Variants in SLC25A48 observed in about 807,000 individuals in gnomAD.
The protein encoded by SLC25A48 is CTC-321K16.1.
Under a neutral mutation model 32.2 loss-of-function variants are expected in SLC25A48, and 29 were observed. The observed-to-expected ratio is 0.90, with a 90% CI of 0.67 to 1.23. The LOEUF (loss-of-function observed/expected upper bound fraction) is 1.23, where lower values mean the gene tolerates loss of function less well. Ranked by LOEUF, SLC25A48 falls within the 50% of genes most tolerant of loss-of-function variation. The pLI, the probability that SLC25A48 is intolerant of heterozygous loss-of-function variation, is 0.00. For synonymous variants in SLC25A48, 164 were observed against 172.3 expected (o/e 0.95, Z 0.38); for missense variants, 399 against 422.7 (o/e 0.94, Z 0.49).
At chr5:135,788,694 G>A (rs1317990476) in intron 3 of SLC25A48, among the ~76,000 whole-genome samples, 1 of 150,816 alleles carries the variant, frequency 6.6e-6, no homozygotes, top group Non-Finnish European at 1.5e-5. Context: ...ATATCCAGGG[G>A]GGGAAGAGGG....
At chr5:135,874,344 G>A (rs1214414110) in intron 6 of SLC25A48, among the ~76,000 whole-genome samples, 190 bp downstream of exon 6, 4 of 152,244 alleles carry the variant, frequency 2.6e-5, no homozygotes, top group Non-Finnish European at 5.9e-5. Flanking sequence ...GGCCAGTGGA[G>A]GAGATAGGTA....
intron 3 of SLC25A48, among the ~76,000 whole-genome samples, chr5:135,761,201 T>C (rs1278629949): frequency 6.6e-6 from 1 of 152,052 alleles, no homozygotes; most frequent in Non-Finnish European, 1.5e-5. Flanking sequence ...TAGTCCCAGA[T>C]ATTCAGGAGG....
chr5:135,745,345 G>A (rs867535255), intron 3 of SLC25A48, among the ~76,000 whole-genome samples: 56 of 152,290 alleles, frequency 3.7e-4, no homozygotes, highest in Middle Eastern at 3.4e-3. Context: ...CACCTTGAGC[G>A]GTTTTCCACC....
At chr5:135,590,628 G>A (rs1158428995) in intron 1 of SLC25A48, among the ~76,000 whole-genome samples, 1 of 152,180 alleles carries the variant, frequency 6.6e-6, no homozygotes, top group Non-Finnish European at 1.5e-5. Context: ...ACAGAGACCT[G>A]CTGGGGGACC....
chr5:135,596,950 G>A (rs1309328679), intron 1 of SLC25A48, among the ~76,000 whole-genome samples: 1 of 152,140 alleles, frequency 6.6e-6, no homozygotes, highest in African/African-American at 2.4e-5. Flanking sequence ...GTGACCTTGG[G>A]TGAGAGATGC....
chr5:135,625,319 G>T (rs1580732783), intron 1 of SLC25A48, among the ~76,000 whole-genome samples: 1 of 152,146 alleles, frequency 6.6e-6, no homozygotes, highest in East Asian at 1.9e-4. Flanking sequence ...GAAGATGGAG[G>T]GGCCCTGAGA....
At chr5:135,835,923 TTGAG>T (rs1758468351) in intron 1 of SLC25A48, among the ~76,000 whole-genome samples, 2 of 150,804 alleles carry the variant, frequency 1.3e-5, no homozygotes, top group East Asian at 3.9e-4. Context: ...TCCTTTCACC[TTGAG>T]TAAGTCTGTT....
At chr5:135,768,080 A>G (rs1756294109) in intron 3 of SLC25A48, among the ~76,000 whole-genome samples, 1 of 147,028 alleles carries the variant, frequency 6.8e-6, no homozygotes, top group South Asian at 2.2e-4. Context: ...GCGGGTGTAC[A>G]CCCCCCTGTG....
At chr5:135,833,027 G>A (rs2126672251), upstream of SLC25A48, among the ~76,000 whole-genome samples, 1 of 152,368 alleles carries the variant, frequency 6.6e-6, no homozygotes, top group Admixed American at 6.5e-5. Context: ...CCTGGATCCT[G>A]GCCACAGAGC....
intron 3 of SLC25A48, among the ~76,000 whole-genome samples, chr5:135,772,297 G>A (rs1207778793): frequency 1.3e-5 from 2 of 151,190 alleles, no homozygotes; most frequent in Non-Finnish European, 3.0e-5. Context: ...GTCACAGGTA[G>A]TGTACACCCC....
chr5:135,855,417 T>C (rs1760231147), intron 4 of SLC25A48, among the ~76,000 whole-genome samples: 1 of 152,214 alleles, frequency 6.6e-6, no homozygotes, highest in Non-Finnish European at 1.5e-5. Context: ...GACCTTTGCA[T>C]ATGTTCTCAT....
chr5:135,598,387 GT>G (rs1181605591), intron 1 of SLC25A48, among the ~76,000 whole-genome samples: 2 of 152,168 alleles, frequency 1.3e-5, no homozygotes, highest in Non-Finnish European at 2.9e-5. Flanking sequence ...ACTCTGACTT[GT>G]TTTCCTTCCT....
At chr5:135,747,189 A>C (rs1561473900) in intron 3 of SLC25A48, among the ~76,000 whole-genome samples, 1 of 151,876 alleles carries the variant, frequency 6.6e-6, no homozygotes, top group African/African-American at 2.4e-5. Flanking sequence ...CTTCTTCCCT[A>C]TCAGCCTTTC....
At chr5:135,651,862 G>T (rs1458947494) in intron 3 of SLC25A48, among the ~76,000 whole-genome samples, 1 of 152,190 alleles carries the variant, frequency 6.6e-6, no homozygotes, top group African/African-American at 2.4e-5. Flanking sequence ...ACAGGAACTT[G>T]GAAGGAGCAG....
intron 3 of SLC25A48, among the ~76,000 whole-genome samples, chr5:135,712,171 A>G (rs1250168843): frequency 2.0e-5 from 3 of 152,208 alleles, no homozygotes; most frequent in African/African-American, 7.2e-5. Flanking sequence ...TGTGAAAATT[A>G]TAGGCTGCAA....
chr5:135,665,311 A>C (rs1275460611), intron 3 of SLC25A48, among the ~76,000 whole-genome samples: 1 of 151,848 alleles, frequency 6.6e-6, no homozygotes, highest in African/African-American at 2.4e-5. Context: ...TTCCTTGTAG[A>C]TTCTGGATAC....
At chr5:135,769,440 C>T (rs1157942683) in intron 3 of SLC25A48, among the ~76,000 whole-genome samples, 1 of 151,612 alleles carries the variant, frequency 6.6e-6, no homozygotes, top group Non-Finnish European at 1.5e-5. Context: ...TGATATTACT[C>T]CCAGGAGTGT....
intron 3 of SLC25A48, among the ~76,000 whole-genome samples, chr5:135,795,169 G>A (rs774840914): frequency 7.3e-5 from 11 of 151,650 alleles, no homozygotes; most frequent in South Asian, 4.2e-4. Flanking sequence ...TCCCAATATC[G>A]CAAGGGGTGT....
intron 3 of SLC25A48, among the ~76,000 whole-genome samples, chr5:135,801,599 A>C (rs1277375918): frequency 6.6e-6 from 1 of 151,478 alleles, no homozygotes; most frequent in South Asian, 2.1e-4. Context: ...CAGAAGGTGT[A>C]CACCCTCTGT....
Sources: gnomAD v4.1 joint callset for allele counts (sites outside exome capture counted in the v4.1 genomes callset) on GRCh38, gnomAD v4.1.1 for gene constraint, MANE v1.5 for transcripts, NCBI Gene and HGNC (gene_info 2026-07-23, HGNC 2026-07-21) for gene names.